The following TBL1XR1 variants were observed in gnomAD, a reference collection of about 807,000 sequenced individuals.
TBL1XR1 encodes F-box-like/WD repeat-containing protein TBL1XR1.
Under a neutral mutation model 66.9 loss-of-function variants are expected in TBL1XR1, and 5 were observed. That is an observed-to-expected ratio of 0.07 (90% CI 0.04 to 0.16). The LOEUF is 0.16. Ranked by LOEUF, TBL1XR1 falls within the 10% of genes least tolerant of loss-of-function variation. TBL1XR1 has a pLI of 1.00. For missense variants in TBL1XR1, 238 were observed against 623.2 expected (o/e 0.38, Z 6.58); for synonymous variants, 210 against 206.0 (o/e 1.02, Z -0.17).
intron 2 of TBL1XR1, among the ~76,000 whole-genome samples, chr3:177,068,159 C>T (rs1475972486): frequency 6.6e-6 from 1 of 152,190 alleles, no homozygotes. Context: ...TCAAAATAGA[C>T]ACTTCCTAAA....
At chr3:177,059,985 T>TTTGGACTC (rs1186731910) in intron 3 of TBL1XR1, among the ~76,000 whole-genome samples, 49 of 152,302 alleles carry the variant, frequency 3.2e-4, no homozygotes, top group South Asian at 6.2e-4. Flanking sequence ...TTCTTCAGCT[T>TTTGGACTC]TTGGACTCTT....
intron 1 of TBL1XR1, among the ~76,000 whole-genome samples, chr3:177,156,055 T>C (rs1731450233): frequency 7.3e-6 from 1 of 137,376 alleles, no homozygotes; most frequent in African/African-American, 2.8e-5. Flanking sequence ...GCTAACACTC[T>C]AAAACTTCTA....
chr3:177,112,124 T>G lies in TBL1XR1; in HGVS notation c.-121-13583A>C, dbSNP rs1218445494. Reference sequence around the variant, plus strand: ...ATATATATATTTTTTTTTTTTTTTTTTGTGAGGGGCTCTGACTCTGTTGCC... The same window carrying G: ...ATATATATATTTTTTTTTTTTTTTTGTGTGAGGGGCTCTGACTCTGTTGCC... On this transcript the variant is annotated intron_variant, in intron 1 of 15. Transcript: ENST00000457928. 3.0e-3 allele frequency among the ~76,000 whole-genome samples: 384 copies of G among 126,948 alleles called. 4 individuals carry two copies. The highest frequency in any genetic ancestry group is 0.011 in the African/African-American group (362 of 33,354). The allele number at this position is 126,948 out of a possible 152,430, so 83.3% of individuals were successfully genotyped here.
chr3:177,189,218 T>C (rs1253556860), intron 1 of TBL1XR1, among the ~76,000 whole-genome samples: 2 of 146,978 alleles, frequency 1.4e-5, no homozygotes, highest in African/African-American at 2.5e-5. Context: ...AAAATAAAAA[T>C]AAGAAATAAC....
At chr3:177,094,371 G>A (rs1723198243) in intron 2 of TBL1XR1, among the ~76,000 whole-genome samples, 1 of 152,188 alleles carries the variant, frequency 6.6e-6, no homozygotes, top group Non-Finnish European at 1.5e-5. Context: ...TACACTGCTG[G>A]TGGGAATGTA....
chr3:177,060,174 A>G (rs1217008520), intron 3 of TBL1XR1, among the ~76,000 whole-genome samples: 1 of 152,164 alleles, frequency 6.6e-6, no homozygotes, highest in African/African-American at 2.4e-5. Flanking sequence ...GTGTGAGTCA[A>G]TTCCCCCTAA....
intron 1 of TBL1XR1, among the ~76,000 whole-genome samples, chr3:177,154,473 T>C (rs560077130): frequency 2.0e-4 from 30 of 152,252 alleles, no homozygotes; most frequent in Admixed American, 1.8e-3. Flanking sequence ...CTCAGCTCAC[T>C]GCAACTTGTA....
chr3:177,183,045 A>T (rs767232318), intron 1 of TBL1XR1, among the ~76,000 whole-genome samples: 1 of 152,174 alleles, frequency 6.6e-6, no homozygotes, highest in East Asian at 1.9e-4. Flanking sequence ...TGTATGCCTT[A>T]CAAAATTGAG....
At chr3:177,161,592 G>A (rs545322109) in intron 1 of TBL1XR1, among the ~76,000 whole-genome samples, 56 of 152,110 alleles carry the variant, frequency 3.7e-4, no homozygotes, top group Admixed American at 1.6e-3. Context: ...AGACCAGCCT[G>A]GCCAACTTGG....
intron 2 of TBL1XR1, among the ~76,000 whole-genome samples, chr3:177,084,100 AAAG>A (rs1356428305): frequency 0.013 from 1,688 of 132,416 alleles, 32 homozygotes; most frequent in Middle Eastern, 0.03. Flanking sequence ...AAAAAAAAAA[AAAG>A]AAAAAAGAAA....
chr3:177,197,609 C>G (rs1281471586), upstream of TBL1XR1, among the ~76,000 whole-genome samples: 1 of 126,736 alleles, frequency 7.9e-6, no homozygotes, highest in Non-Finnish European at 1.7e-5. Context: ...CAAACCCGAG[C>G]GGCCTGCGCC....
intron 1 of TBL1XR1, among the ~76,000 whole-genome samples, chr3:177,162,210 G>C (rs1732296833): frequency 6.6e-6 from 1 of 152,200 alleles, no homozygotes; most frequent in South Asian, 2.1e-4. Flanking sequence ...ATAGATAGTA[G>C]TATTACACTT....
chr3:177,139,313 G>C (rs1184535055), intron 1 of TBL1XR1, among the ~76,000 whole-genome samples: 1 of 152,194 alleles, frequency 6.6e-6, no homozygotes, highest in Admixed American at 6.5e-5. Context: ...GCTGAGGTCA[G>C]AAGTTCGAGA....
intron 1 of TBL1XR1, among the ~76,000 whole-genome samples, chr3:177,166,207 T>C (rs1732800992): frequency 6.6e-6 from 1 of 152,016 alleles, no homozygotes; most frequent in African/African-American, 2.4e-5. Flanking sequence ...GGCAACATGG[T>C]GAAACTCCCA....
At chr3:177,042,550 T>C (rs1262622162) in intron 10 of TBL1XR1, among the ~76,000 whole-genome samples, 4 of 152,192 alleles carry the variant, frequency 2.6e-5, no homozygotes, top group African/African-American at 9.6e-5. Flanking sequence ...TAAAATACAG[T>C]GCTTATAGAT....
intron 1 of TBL1XR1, among the ~76,000 whole-genome samples, chr3:177,169,031 G>C (rs1474034945): frequency 6.6e-6 from 1 of 151,966 alleles, no homozygotes; most frequent in Non-Finnish European, 1.5e-5. Context: ...AATCCCTAAA[G>C]CTTGACCACA....
chr3:177,099,021 T>C (rs1331492362), intron 1 of TBL1XR1, among the ~76,000 whole-genome samples: 3 of 152,198 alleles, frequency 2.0e-5, no homozygotes, highest in East Asian at 3.9e-4. Context: ...GTTTTCTCAA[T>C]TGCTAAGTCA....
intron 1 of TBL1XR1, among the ~76,000 whole-genome samples, chr3:177,124,638 C>CA (rs1437764651): frequency 6.6e-6 from 1 of 152,062 alleles, no homozygotes; most frequent in Admixed American, 6.6e-5. Context: ...CTATCAATTT[C>CA]AAAAACCTAT....
chr3:177,062,523 T>G lies in TBL1XR1; in HGVS notation c.58+2397A>C, dbSNP rs550862517. 1.9e-4 allele frequency among the ~76,000 whole-genome samples: 29 copies of G among 152,340 alleles called. 1 individual carries two copies. The highest frequency in any genetic ancestry group is 6.7e-4 in the African/African-American group (28 of 41,594). On this transcript the variant is annotated intron_variant, in intron 3 of 15. Transcript: ENST00000457928. ...TGGCAAGTTGCAGTCCTGGGAAAACTGCCATAAGTCAAAATGTCATCAGTT... is the reference window on the plus strand; with the variant it reads ...TGGCAAGTTGCAGTCCTGGGAAAACGGCCATAAGTCAAAATGTCATCAGTT...
Sources: allele counts gnomAD v4.1 joint callset (sites outside exome capture counted in the v4.1 genomes callset), GRCh38; gene constraint gnomAD v4.1.1; transcripts MANE v1.5; gene names NCBI Gene and HGNC (gene_info 2026-07-23, HGNC 2026-07-21).